EIF2AK4: variants seen among roughly 807,000 people sequenced by gnomAD.
EIF2AK4 encodes the protein eIF-2-alpha kinase GCN2.
EIF2AK4 carries 139 observed loss-of-function variants against 211.1 expected under a neutral mutation model. The observed-to-expected ratio is 0.66, with a 90% CI of 0.57 to 0.76. EIF2AK4 has a LOEUF of 0.76. Ranked by LOEUF, EIF2AK4 falls within the 30% of genes least tolerant of loss-of-function variation. EIF2AK4 has a pLI of 0.00. For synonymous variants in EIF2AK4, 710 were observed against 751.3 expected (o/e 0.94, Z 0.90); for missense variants, 1,664 against 2,043.8 (o/e 0.81, Z 3.58).
intron 16 of EIF2AK4, 115 bp from the exon 17 acceptor site, chr15:39,992,060 A>G (rs747435414): frequency 1.0e-6 from 1 of 974,340 alleles, no homozygotes; most frequent in Admixed American, 2.6e-5. Context: ...AAGCGTTATT[A>G]TATTATTTTG....
chr15:39,993,131 CCCACCCATCCATCCACCTGTCCAT>C (rs1178180409), intron 18 of EIF2AK4, among the ~76,000 whole-genome samples: 3 of 147,364 alleles, frequency 2.0e-5, no homozygotes, highest in Non-Finnish European at 4.5e-5. Context: ...CATCCATCCA[CCCACCCATCCATCCACCTGTCCAT>C]CCACCCGTCC....
chr15:39,962,018 G>T, intron 7 of EIF2AK4, 119 bp downstream of exon 7: 1 of 666,106 alleles, frequency 1.5e-6, no homozygotes, highest in Non-Finnish European at 2.5e-6. Context: ...AGACCATCAA[G>T]CTGGTAGTCA....
At chr15:39,948,562 ACTTT>A (rs1367419765) in intron 3 of EIF2AK4, among the ~76,000 whole-genome samples, 3 of 152,254 alleles carry the variant, frequency 2.0e-5, no homozygotes, top group Admixed American at 2.0e-4. Context: ...GAAATAAAAT[ACTTT>A]CTAAGTATTT....
Position 40,001,128 on chromosome 15 carries a change from C to G in EIF2AK4, c.3063C>G (p.Asn1021Lys), listed in dbSNP as rs749069734. The G allele has an allele frequency of 6.2e-7, 1 of 1,614,166 alleles. No individual in the cohort carries two copies. Among genetic ancestry groups the G allele is most frequent in the South Asian group, 1.1e-5 (1 of 91,080 alleles). The stretch of plus-strand genomic sequence containing the variant: ...AAGTGCTGCACCACACGCTGACCAA[C>G]GTGGATGGGAAGGCCTACCGCACCA... ...LHEVLHHTLT[N>K]VDGKAYRTMM... The change falls in exon 21 of 39, where the codon AAC (asparagine) becomes AAG (lysine). Residue 1021 changes from asparagine (N) to lysine (K), a missense_variant. Physicochemically the swap from Asn to Lys is moderately conservative, Grantham distance 94. Coordinates refer to ENST00000263791, the MANE Select transcript of EIF2AK4 (RefSeq NM_001013703.4).
At chr15:39,998,262 TTTTTTTTGTTTTG>T (rs1019902776) in intron 19 of EIF2AK4, among the ~76,000 whole-genome samples, 3 of 122,210 alleles carry the variant, frequency 2.5e-5, no homozygotes, top group Admixed American at 8.1e-5. Context: ...GTGTGGTTTT[TTTTTTTTGTTTTG>T]TTTTTTTTTG....
intron 16 of EIF2AK4, 140 bp from the exon 17 acceptor site, chr15:39,992,035 A>C (rs1290202431): frequency 1.6e-5 from 13 of 811,642 alleles, no homozygotes; most frequent in Non-Finnish European, 2.4e-5. Context: ...AAACTAGAAA[A>C]AAAATTAAAA....
chr15:40,012,736 C>A (rs1009917696), intron 27 of EIF2AK4, among the ~76,000 whole-genome samples: 3 of 151,996 alleles, frequency 2.0e-5, no homozygotes, highest in Non-Finnish European at 2.9e-5. Flanking sequence ...CACATGTCAA[C>A]TTCTTTTCTT....
chr15:39,976,362 G>A, intron 11 of EIF2AK4, 52 bp from the exon 12 acceptor site: 1 of 1,530,030 alleles, frequency 6.5e-7, no homozygotes. Context: ...CGGTGCAAAT[G>A]CCTGTTTGTG....
intron 27 of EIF2AK4, 70 bp from the exon 28 acceptor site, chr15:40,016,432 A>G (rs2035303635): frequency 1.3e-6 from 2 of 1,582,406 alleles, no homozygotes; most frequent in East Asian, 2.2e-5. Flanking sequence ...CTGCAGGTGC[A>G]CACAGTCGGT....
At chr15:40,001,498 C>A (rs565792211) in intron 21 of EIF2AK4, among the ~76,000 whole-genome samples, 229 of 152,130 alleles carry the variant, frequency 1.5e-3, no homozygotes, top group Non-Finnish European at 2.7e-3. Context: ...TGCGTGGTGG[C>A]ATGCACCTGT....
chr15:39,993,180 C>G (rs1220254624), intron 18 of EIF2AK4, among the ~76,000 whole-genome samples: 2 of 150,926 alleles, frequency 1.3e-5, no homozygotes, highest in East Asian at 4.0e-4. Context: ...ACCCATCCAT[C>G]CACTCGTCCA....
intron 9 of EIF2AK4, among the ~76,000 whole-genome samples, chr15:39,968,332 A>G (rs1034064504): frequency 6.6e-6 from 1 of 152,210 alleles, no homozygotes; most frequent in Non-Finnish European, 1.5e-5. Context: ...GTAGAATGCA[A>G]ATAACTTCCT....
At chr15:39,981,830 T>C (rs924630580) in intron 13 of EIF2AK4, among the ~76,000 whole-genome samples, 3 of 151,956 alleles carry the variant, frequency 2.0e-5, no homozygotes, top group Non-Finnish European at 4.4e-5. Context: ...GTATGGGAAG[T>C]GTCCTAGAGG....
At chr15:39,979,469 C>T (rs2034749630) in intron 13 of EIF2AK4, among the ~76,000 whole-genome samples, 1 of 152,166 alleles carries the variant, frequency 6.6e-6, no homozygotes, top group Admixed American at 6.5e-5. Context: ...TCTGGCATCC[C>T]TCATACTTTG....
At chr15:39,944,724 C>T (rs907844609) in intron 3 of EIF2AK4, among the ~76,000 whole-genome samples, 1 of 152,184 alleles carries the variant, frequency 6.6e-6, no homozygotes, top group Non-Finnish European at 1.5e-5. Flanking sequence ...TGAGCCACCG[C>T]ACCCGGCCAA....
At chr15:39,988,474 C>T (rs1286409674) in intron 15 of EIF2AK4, among the ~76,000 whole-genome samples, 3 of 152,170 alleles carry the variant, frequency 2.0e-5, no homozygotes, top group Non-Finnish European at 1.5e-5. Flanking sequence ...ATAAAAATTA[C>T]ATGAAATTCA....
intron 13 of EIF2AK4, among the ~76,000 whole-genome samples, chr15:39,980,770 C>A (rs1430251958): frequency 2.0e-5 from 3 of 152,152 alleles, no homozygotes; most frequent in African/African-American, 7.2e-5. Flanking sequence ...CTCACTGCAG[C>A]CTAGAACTCC....
chr15:39,987,643 G>A (rs2034884072), intron 14 of EIF2AK4, among the ~76,000 whole-genome samples: 1 of 151,946 alleles, frequency 6.6e-6, no homozygotes, highest in Non-Finnish European at 1.5e-5. Context: ...TGTAAATTTG[G>A]GTTTGGAAGC....
intron 35 of EIF2AK4, among the ~76,000 whole-genome samples, chr15:40,031,273 A>C (rs1463304556): frequency 6.6e-6 from 1 of 152,194 alleles, no homozygotes; most frequent in African/African-American, 2.4e-5. Context: ...CACTGAGTTA[A>C]ATTTATAGAA....
Sources: gnomAD v4.1 joint callset for allele counts (sites outside exome capture counted in the v4.1 genomes callset) on GRCh38, gnomAD v4.1.1 for gene constraint, MANE v1.5 for transcripts, NCBI Gene and HGNC (gene_info 2026-07-23, HGNC 2026-07-21) for gene names.